Variants in RFC3 observed in about 807,000 individuals in gnomAD.
RFC3 encodes the protein replication factor C subunit 3, also known as A1 38 kDa subunit.
Under a neutral mutation model 45.1 loss-of-function variants are expected in RFC3, and 41 were observed. That is an observed-to-expected ratio of 0.91 (90% CI 0.71 to 1.18). The LOEUF (loss-of-function observed/expected upper bound fraction) is 1.18. RFC3 is among the 50% of genes most tolerant of loss of function. RFC3 has a pLI of 0.00. For synonymous variants in RFC3, 149 were observed against 144.0 expected (o/e 1.03, Z -0.25); for missense variants, 423 against 428.1 (o/e 0.99, Z 0.10).
chr13:33,836,252 A>G lies in RFC3; in HGVS notation c.1028A>G (p.Tyr343Cys), dbSNP rs772668318. 9.3e-6 allele frequency: 15 copies of G among 1,613,334 alleles called. No individual in the cohort carries two copies. The highest frequency in any genetic ancestry group is 1.7e-5 in the Admixed American group (1 of 59,972). The change falls in exon 9 of 9, where the codon TAT (tyrosine) becomes TGT (cysteine). Residue 343 changes from tyrosine (Y) to cysteine (C), a missense_variant. By Grantham distance (194) the Tyr-to-Cys change is radical (BLOSUM62 -2). Transcript: ENST00000380071. ...TTTGTGGCCAAATTCATGGCACTTTATAAGAAGTTCATGGAGGATGGATTG... is the reference window on the plus strand; with the variant it reads ...TTTGTGGCCAAATTCATGGCACTTTGTAAGAAGTTCATGGAGGATGGATTG... Reference protein sequence around the residue: ...EAFVAKFMALYKKFMEDGLEG... With the variant: ...EAFVAKFMALCKKFMEDGLEG...
intron 4 of RFC3, among the ~76,000 whole-genome samples, chr13:33,826,108 C>G (rs1421925854): frequency 6.6e-6 from 1 of 152,092 alleles, no homozygotes; most frequent in Non-Finnish European, 1.5e-5. Flanking sequence ...TCAGAAATTA[C>G]ATGATTTTAA....
chr13:33,970,036 G>T (rs141575455), downstream of RFC3, among the ~76,000 whole-genome samples: 3 of 151,984 alleles, frequency 2.0e-5, no homozygotes, highest in Admixed American at 6.6e-5. Context: ...CATAACCTAG[G>T]TATTAAGCCC....
chr13:33,928,964 G>A (rs745548392), intron 8 of RFC3, among the ~76,000 whole-genome samples: 1 of 152,072 alleles, frequency 6.6e-6, no homozygotes, highest in Non-Finnish European at 1.5e-5. Context: ...TTTTTCTACA[G>A]TATTATGCCA....
chr13:33,909,293 C>T (rs1193853329), intron 8 of RFC3, among the ~76,000 whole-genome samples: 1 of 151,974 alleles, frequency 6.6e-6, no homozygotes, highest in East Asian at 1.9e-4. Context: ...AGATGACTCT[C>T]TTGGGGCCTC....
At chr13:33,833,691 A>C (rs183414205) in intron 7 of RFC3, among the ~76,000 whole-genome samples, 1 of 152,286 alleles carries the variant, frequency 6.6e-6, no homozygotes, top group African/African-American at 2.4e-5. Flanking sequence ...CTATATACAT[A>C]TATTAAAATA....
At chr13:33,893,651 T>G (rs1228939463) in intron 8 of RFC3, among the ~76,000 whole-genome samples, 1 of 151,904 alleles carries the variant, frequency 6.6e-6, no homozygotes, top group Non-Finnish European at 1.5e-5. Context: ...ATGCAGAAAT[T>G]TATCAGACTA....
intron 8 of RFC3, among the ~76,000 whole-genome samples, chr13:33,878,074 C>T (rs115427504): frequency 0.012 from 1,759 of 151,894 alleles, 38 homozygotes; most frequent in African/African-American, 0.04. Context: ...TTATTAGGGG[C>T]AATATATGCA....
chr13:33,862,340 A>C (rs1486657875), intron 8 of RFC3, among the ~76,000 whole-genome samples: 2 of 148,488 alleles, frequency 1.3e-5, no homozygotes, highest in African/African-American at 5.0e-5. Flanking sequence ...ACATGTTGTG[A>C]AGTATAATTG....
chr13:33,891,741 C>G (rs781147372), intron 8 of RFC3, among the ~76,000 whole-genome samples: 14 of 152,108 alleles, frequency 9.2e-5, no homozygotes, highest in Non-Finnish European at 1.5e-4. Context: ...ATACCAGATG[C>G]TCTACTTCTA....
chr13:33,914,289 A>G (rs2082720271), intron 8 of RFC3, among the ~76,000 whole-genome samples: 1 of 152,130 alleles, frequency 6.6e-6, no homozygotes, highest in Admixed American at 6.6e-5. Flanking sequence ...TTTTCTTCCA[A>G]GGAAGATGAG....
At chr13:33,907,764 A>G (rs1198074236) in intron 8 of RFC3, among the ~76,000 whole-genome samples, 1 of 152,128 alleles carries the variant, frequency 6.6e-6, no homozygotes. Flanking sequence ...TTTTTGGTAC[A>G]GTAATTTTCA....
At chr13:33,867,095 G>A (rs2082378425) in intron 8 of RFC3, among the ~76,000 whole-genome samples, 1 of 152,174 alleles carries the variant, frequency 6.6e-6, no homozygotes, top group South Asian at 2.1e-4. Context: ...AAGAAACAAG[G>A]CAATGCTAAT....
intron 8 of RFC3, among the ~76,000 whole-genome samples, chr13:33,900,341 A>G (rs773006014): frequency 6.6e-6 from 1 of 151,998 alleles, no homozygotes; most frequent in Non-Finnish European, 1.5e-5. Context: ...ACATAGACCA[A>G]TGGAACAGAG....
chr13:33,960,953 A>C (rs992715173), intron 8 of RFC3, among the ~76,000 whole-genome samples: 4 of 152,280 alleles, frequency 2.6e-5, no homozygotes, highest in African/African-American at 9.6e-5. Flanking sequence ...TCCCTACATC[A>C]CTAGCCATTC....
At chr13:33,839,325 T>C (rs2082180290), downstream of RFC3, among the ~76,000 whole-genome samples, 1 of 152,202 alleles carries the variant, frequency 6.6e-6, no homozygotes, top group Non-Finnish European at 1.5e-5. Context: ...CCCCATCCTT[T>C]TTGAACCAAG....
chr13:33,969,763 C>T (rs2083102399), downstream of RFC3, among the ~76,000 whole-genome samples: 1 of 152,088 alleles, frequency 6.6e-6, no homozygotes, highest in African/African-American at 2.4e-5. Flanking sequence ...AGTTTCCTCT[C>T]CTGTAAAATA....
chr13:33,823,427 G>A (rs993246988), intron 2 of RFC3, among the ~76,000 whole-genome samples: 14 of 152,154 alleles, frequency 9.2e-5, no homozygotes, highest in Admixed American at 2.0e-4. Context: ...GCCATAGGTT[G>A]GTGTGTGACT....
At chr13:33,947,736 G>A (rs2082963186) in intron 8 of RFC3, among the ~76,000 whole-genome samples, 1 of 152,174 alleles carries the variant, frequency 6.6e-6, no homozygotes, top group Non-Finnish European at 1.5e-5. Flanking sequence ...AGGCTGAGGT[G>A]GTCTCAAAAG....
downstream of RFC3, among the ~76,000 whole-genome samples, chr13:33,839,387 A>T (rs1306286840): frequency 3.3e-5 from 5 of 152,338 alleles, no homozygotes; most frequent in Non-Finnish European, 7.3e-5. Flanking sequence ...CCGATGTTGA[A>T]TCAAGTCCAC....
Sources: gnomAD v4.1 joint callset for allele counts (sites outside exome capture counted in the v4.1 genomes callset) on GRCh38, gnomAD v4.1.1 for gene constraint, MANE v1.5 for transcripts, NCBI Gene and HGNC (gene_info 2026-07-23, HGNC 2026-07-21) for gene names.